SORCS2: variants seen among roughly 807,000 people sequenced by gnomAD.
The protein encoded by SORCS2 is VPS10 domain-containing receptor SorCS2.
Under a neutral mutation model 141.6 loss-of-function variants are expected in SORCS2, and 100 were observed. The observed-to-expected ratio is 0.71, with a 90% confidence interval of 0.60 to 0.83. The LOEUF (loss-of-function observed/expected upper bound fraction) is 0.83. Among genes scored for constraint, SORCS2 ranks in the 40% least tolerant of loss-of-function variants. The pLI is 0.00. For missense variants in SORCS2, 1,646 were observed against 1,560.2 expected (o/e 1.05, Z -0.93); for synonymous variants, 789 against 676.9 (o/e 1.17, Z -2.57).
chr4:7,595,399 C>G (rs967192967), intron 3 of SORCS2, among the ~76,000 whole-genome samples: 1 of 152,114 alleles, frequency 6.6e-6, no homozygotes, highest in African/African-American at 2.4e-5. Context: ...CCATTGGTGA[C>G]TAACTCCATC....
chr4:7,599,208 G>C (rs1230223557), intron 3 of SORCS2, among the ~76,000 whole-genome samples: 1 of 152,128 alleles, frequency 6.6e-6, no homozygotes, highest in African/African-American at 2.4e-5. Context: ...GTTCCTGAGT[G>C]AAGTCAGCCT....
intron 3 of SORCS2, among the ~76,000 whole-genome samples, chr4:7,589,313 GGTT>G (rs1716754265): frequency 6.6e-6 from 1 of 152,190 alleles, no homozygotes; most frequent in African/African-American, 2.4e-5. Flanking sequence ...TTTGGTGGCT[GGTT>G]GTTAGCGATG....
chr4:7,245,069 G>A (rs1290759826), intron 1 of SORCS2, among the ~76,000 whole-genome samples: 1 of 152,166 alleles, frequency 6.6e-6, no homozygotes, highest in Non-Finnish European at 1.5e-5. Context: ...GGGGCCGAGG[G>A]TCCTGTCTCC....
rs369249090 is a variant in SORCS2 at position 7,409,908 on chromosome 4, TCTC to T, written c.548+13556_548+13558del. Among the ~76,000 whole-genome samples, 14 of 152,342 alleles carry T rather than the reference TCTC, an allele frequency of 9.2e-5. No homozygotes were observed. In the East Asian group the frequency reaches 2.5e-3, roughly 27 times the overall value. On this transcript the variant is annotated intron_variant, in intron 2 of 26. Transcript: ENST00000507866. Reference sequence around the variant, plus strand: ...TATGCTACCATTTTGGAACCGGAAGTCTCCTTGTTTTTTTCTGTCTTTTAATGT... The same window carrying T: ...TATGCTACCATTTTGGAACCGGAAGTCTTGTTTTTTTCTGTCTTTTAATGT...
intron 26 of SORCS2, among the ~76,000 whole-genome samples, chr4:7,737,891 T>C (rs9996177): frequency 0.22 from 33,589 of 152,124 alleles, 4,033 homozygotes; most frequent in African/African-American, 0.31. Flanking sequence ...CAGCAATTAA[T>C]GCAGGCAGTC....
chr4:7,617,494 C>CG (rs1175299864), intron 3 of SORCS2, among the ~76,000 whole-genome samples: 1 of 152,142 alleles, frequency 6.6e-6, no homozygotes, highest in African/African-American at 2.4e-5. Flanking sequence ...TGCTGTCTGA[C>CG]GTCAAGGAGC....
intron 3 of SORCS2, among the ~76,000 whole-genome samples, chr4:7,600,078 T>C (rs1438753066): frequency 6.6e-6 from 1 of 152,054 alleles, no homozygotes; most frequent in Non-Finnish European, 1.5e-5. Flanking sequence ...CACCTTGGCC[T>C]CCCAAACTGC....
chr4:7,500,197 G>A (rs553215892), intron 2 of SORCS2, among the ~76,000 whole-genome samples: 49 of 152,112 alleles, frequency 3.2e-4, no homozygotes, highest in African/African-American at 1.1e-3. Context: ...CTCCACTCTC[G>A]GTCCCCTGCA....
intron 2 of SORCS2, among the ~76,000 whole-genome samples, chr4:7,472,399 C>T (rs944569434): frequency 6.6e-6 from 1 of 152,136 alleles, no homozygotes; most frequent in Admixed American, 6.5e-5. Context: ...GGCATGTTCC[C>T]CGCCTCAGGG....
chr4:7,678,903 T>C (rs567323828), intron 9 of SORCS2, among the ~76,000 whole-genome samples: 1 of 152,332 alleles, frequency 6.6e-6, no homozygotes, highest in African/African-American at 2.4e-5. Context: ...GCAACAGGAA[T>C]GGTAGTGGCA....
At chr4:7,642,418 T>A (rs572412248) in intron 4 of SORCS2, among the ~76,000 whole-genome samples, 1 of 152,376 alleles carries the variant, frequency 6.6e-6, no homozygotes, top group South Asian at 2.1e-4. Flanking sequence ...AGCTGAAATC[T>A]CAGTTATTTG....
intron 1 of SORCS2, among the ~76,000 whole-genome samples, chr4:7,379,844 G>T (rs1270366023): frequency 1.3e-5 from 2 of 152,214 alleles, no homozygotes; most frequent in African/African-American, 4.8e-5. Context: ...GGCAGCTGCA[G>T]AAACTTGCTT....
At chr4:7,609,636 A>T (rs1433936453) in intron 3 of SORCS2, among the ~76,000 whole-genome samples, 2 of 152,282 alleles carry the variant, frequency 1.3e-5, no homozygotes, top group African/African-American at 2.4e-5. Context: ...GGCCTGGCAC[A>T]TAAATGACCA....
At chr4:7,318,174 C>T (rs1718682238) in intron 1 of SORCS2, among the ~76,000 whole-genome samples, 1 of 152,146 alleles carries the variant, frequency 6.6e-6, no homozygotes, top group African/African-American at 2.4e-5. Flanking sequence ...CTCTTGTGAT[C>T]CTGTTGGTAG....
chr4:7,477,931 C>T (rs556549493), intron 2 of SORCS2, among the ~76,000 whole-genome samples: 6 of 152,276 alleles, frequency 3.9e-5, no homozygotes, highest in Admixed American at 1.3e-4. Flanking sequence ...ACAAAGTCAT[C>T]GTGTTGGCTA....
At chr4:7,215,381 G>A (rs1301200013) in intron 1 of SORCS2, among the ~76,000 whole-genome samples, 3 of 152,240 alleles carry the variant, frequency 2.0e-5, no homozygotes, top group Non-Finnish European at 2.9e-5. Flanking sequence ...CAGGGCTCGG[G>A]ACCTGCAGCC....
At chr4:7,268,276 T>G (rs563140262) in intron 1 of SORCS2, among the ~76,000 whole-genome samples, 1 of 152,282 alleles carries the variant, frequency 6.6e-6, no homozygotes, top group East Asian at 1.9e-4. Context: ...CCTGCCACAT[T>G]GTCTAAAGGA....
At chr4:7,666,227 G>A (rs1367402072) in intron 7 of SORCS2, among the ~76,000 whole-genome samples, 12 of 152,108 alleles carry the variant, frequency 7.9e-5, no homozygotes, top group South Asian at 4.1e-4. Context: ...TTTGAACGAC[G>A]TCCACGTCTG....
intron 2 of SORCS2, 75 bp from the exon 3 acceptor site, chr4:7,531,455 G>C: frequency 7.1e-7 from 1 of 1,410,846 alleles, no homozygotes; most frequent in Non-Finnish European, 9.9e-7. Flanking sequence ...CAGGGCAGGG[G>C]CTGGACACCG....
Sources: allele counts gnomAD v4.1 joint callset (sites outside exome capture counted in the v4.1 genomes callset), GRCh38; gene constraint gnomAD v4.1.1; transcripts MANE v1.5; gene names NCBI Gene and HGNC (gene_info 2026-07-23, HGNC 2026-07-21).